The following CFAP299 variants were observed in gnomAD, a reference collection of about 807,000 sequenced individuals.
CFAP299 encodes cilia- and flagella-associated protein 299.
A neutral mutation model predicts 27.0 loss-of-function variants in CFAP299; 21 were observed. That is an observed-to-expected ratio of 0.78 (90% CI 0.55 to 1.12). The LOEUF (loss-of-function observed/expected upper bound fraction) is 1.12. CFAP299 is among the 50% of genes most tolerant of loss of function. The pLI is 0.00. For synonymous variants in CFAP299, 104 were observed against 98.1 expected (o/e 1.06, Z -0.36); for missense variants, 310 against 276.6 (o/e 1.12, Z -0.86).
intron 3 of CFAP299, among the ~76,000 whole-genome samples, chr4:80,724,897 C>CTTTG (rs1430371493): frequency 2.3e-5 from 3 of 131,434 alleles, no homozygotes; most frequent in Non-Finnish European, 4.9e-5. Context: ...TTCTTTCTTT[C>CTTTG]TTTCTTTTTC....
rs367678161 is a variant in CFAP299, at chr4:80,807,829, T to C, written c.334-62164T>C. Among the ~76,000 whole-genome samples the C allele has an allele frequency of 4.6e-5, 7 of 152,214 alleles. No homozygotes were observed. In the East Asian group the frequency reaches 5.8e-4, roughly 13 times the overall value. ...ATTTCTGTTTATTAATAATGTGTGA[T>C]GTAAAGTAAAAACATCATAACCCAT... On this transcript the variant is annotated intron_variant, in intron 3 of 5. Transcript: ENST00000358105.
intron 3 of CFAP299, among the ~76,000 whole-genome samples, chr4:80,835,288 C>T (rs992798294): frequency 5.9e-5 from 9 of 152,002 alleles, no homozygotes; most frequent in East Asian, 1.9e-4. Context: ...TTAGTAGAGA[C>T]GGGGTTTCAC....
intron 2 of CFAP299, among the ~76,000 whole-genome samples, chr4:80,568,005 A>G (rs1325079407): frequency 1.3e-5 from 2 of 151,820 alleles, no homozygotes; most frequent in East Asian, 3.9e-4. Context: ...TTAATTATAG[A>G]TTCATTTTCT....
chr4:80,530,104 G>A (rs145133869), intron 2 of CFAP299, among the ~76,000 whole-genome samples: 7 of 151,990 alleles, frequency 4.6e-5, no homozygotes, highest in Admixed American at 3.3e-4. Context: ...TCACACATTC[G>A]TCGAAAATAT....
chr4:80,800,732 A>G lies in CFAP299; in HGVS notation c.334-69261A>G, dbSNP rs1364456647. On this transcript the variant is annotated intron_variant, in intron 3 of 5. Transcript: ENST00000358105. Reference sequence around the variant, plus strand: ...TTTTTATGTATGAGTCCATATGTGTATATATATATAATCAGTGTGTGTGTG... The same window carrying G: ...TTTTTATGTATGAGTCCATATGTGTGTATATATATAATCAGTGTGTGTGTG... Among the ~76,000 whole-genome samples, 8 of 88,254 alleles carry G rather than the reference A, an allele frequency of 9.1e-5. 1 individual carries two copies. The highest frequency in any genetic ancestry group is 2.4e-4 in the African/African-American group (5 of 20,764). 57.9% of individuals were successfully genotyped at this position (88,254 alleles called of 152,430 possible). A position where few individuals can be genotyped will look rare whatever the true frequency, so the allele number is the denominator to read the frequency against.
At chr4:80,850,867 A>G (rs921267449) in intron 3 of CFAP299, among the ~76,000 whole-genome samples, 2 of 152,126 alleles carry the variant, frequency 1.3e-5, no homozygotes, top group Non-Finnish European at 2.9e-5. Context: ...AAGCAAAGAC[A>G]TGGTTTGAGA....
chr4:80,614,221 T>C (rs1738154602), intron 3 of CFAP299, among the ~76,000 whole-genome samples: 2 of 152,176 alleles, frequency 1.3e-5, no homozygotes, highest in African/African-American at 4.8e-5. Context: ...ATGGAAACAG[T>C]TTTGATTAAA....
At chr4:80,838,375 C>G (rs908953035) in intron 3 of CFAP299, among the ~76,000 whole-genome samples, 10 of 152,072 alleles carry the variant, frequency 6.6e-5, no homozygotes, top group African/African-American at 9.7e-5. Flanking sequence ...AGGTTTTCTT[C>G]TAGGGTTTTA....
chr4:80,673,973 C>A (rs184399502), intron 3 of CFAP299, among the ~76,000 whole-genome samples: 1 of 151,376 alleles, frequency 6.6e-6, no homozygotes, highest in East Asian at 2.0e-4. Flanking sequence ...TGACTTTTAT[C>A]CAATTTGCCA....
chr4:80,690,186 A>C (rs1720561789), intron 3 of CFAP299, among the ~76,000 whole-genome samples: 1 of 151,204 alleles, frequency 6.6e-6, no homozygotes, highest in Admixed American at 6.6e-5. Flanking sequence ...CTCTGCACCA[A>C]GCAGATCTAA....
chr4:80,763,737 G>T (rs931490188), intron 3 of CFAP299, among the ~76,000 whole-genome samples: 4 of 152,098 alleles, frequency 2.6e-5, no homozygotes. Context: ...AAAACAGCAT[G>T]GTACTGGTAC....
At chr4:80,910,230 CAGG>C (rs1005207985) in intron 4 of CFAP299, among the ~76,000 whole-genome samples, 91 of 152,172 alleles carry the variant, frequency 6.0e-4, no homozygotes, top group African/African-American at 1.8e-3. Context: ...ACACTGTTGG[CAGG>C]AGTTTAAATT....
At chr4:80,534,079 A>T (rs1269992450) in intron 2 of CFAP299, among the ~76,000 whole-genome samples, 2 of 152,110 alleles carry the variant, frequency 1.3e-5, no homozygotes, top group Admixed American at 1.3e-4. Flanking sequence ...GTAAACTAAC[A>T]TCTACCATGC....
intron 4 of CFAP299, among the ~76,000 whole-genome samples, chr4:80,900,000 G>A (rs931093934): frequency 4.6e-5 from 7 of 152,122 alleles, no homozygotes; most frequent in Admixed American, 1.3e-4. Context: ...AGAGGTGGTG[G>A]TAACGGGTCA....
intron 3 of CFAP299, among the ~76,000 whole-genome samples, chr4:80,674,304 A>G (rs1325316085): frequency 2.6e-5 from 4 of 152,170 alleles, no homozygotes; most frequent in Non-Finnish European, 5.9e-5. Flanking sequence ...TGGATATGAA[A>G]TTCTGGGTTG....
intron 2 of CFAP299, among the ~76,000 whole-genome samples, chr4:80,458,400 T>C (rs2110103730): frequency 6.6e-6 from 1 of 152,240 alleles, no homozygotes; most frequent in Non-Finnish European, 1.5e-5. Flanking sequence ...CCACAGGGGA[T>C]CCAAGGCAGG....
At chr4:80,549,802 TAAG>T (rs764244945) in intron 2 of CFAP299, among the ~76,000 whole-genome samples, 31 of 152,096 alleles carry the variant, frequency 2.0e-4, no homozygotes, top group Non-Finnish European at 3.4e-4. Flanking sequence ...TTTTATAAAT[TAAG>T]AAGATATTTT....
intron 2 of CFAP299, among the ~76,000 whole-genome samples, chr4:80,496,112 C>G (rs1731426642): frequency 6.6e-6 from 1 of 152,198 alleles, no homozygotes; most frequent in African/African-American, 2.4e-5. Flanking sequence ...ATTTCTCCAG[C>G]AAGTGGTGGC....
chr4:80,962,636 G>A (rs2109871611), intron 5 of CFAP299, among the ~76,000 whole-genome samples: 1 of 151,950 alleles, frequency 6.6e-6, no homozygotes, highest in African/African-American at 2.4e-5. Context: ...GCACAGTCAG[G>A]ACACCCACTT....
Sources: allele counts gnomAD v4.1 joint callset (sites outside exome capture counted in the v4.1 genomes callset), GRCh38; gene constraint gnomAD v4.1.1; transcripts MANE v1.5; gene names NCBI Gene and HGNC (gene_info 2026-07-23, HGNC 2026-07-21).